Variants in SND1 observed in about 807,000 individuals in gnomAD.
SND1 encodes staphylococcal nuclease domain-containing protein 1.
Under a neutral mutation model 121.7 loss-of-function variants are expected in SND1, and 38 were observed. The ratio of observed to expected loss-of-function variants is 0.31; its 90% CI spans 0.24 to 0.41. The LOEUF (loss-of-function observed/expected upper bound fraction) is 0.41, where lower values mean the gene tolerates loss of function less well. Ranked by LOEUF, SND1 falls within the 10% of genes least tolerant of loss-of-function variation. The pLI is 1.00. For missense variants in SND1, 868 were observed against 1,184.6 expected, an observed-to-expected ratio of 0.73 and a Z score of 3.92; for synonymous variants, 401 against 447.4, an observed-to-expected ratio of 0.90 and a Z score of 1.31.
intron 11 of SND1, among the ~76,000 whole-genome samples, chr7:127,810,418 C>T (rs1400650098): frequency 6.6e-6 from 1 of 152,150 alleles, no homozygotes; most frequent in Non-Finnish European, 1.5e-5. Context: ...ACTCTCTTCC[C>T]ATCTCCTGTT....
rs1490621481 is a variant in SND1, at chr7:128,087,028, G to A, written c.2395G>A (p.Ala799Thr). Residue 799 changes from alanine (A) to threonine (T), a missense_variant, in exon 21 of 24, where the codon GCC (alanine) becomes ACC (threonine). Ala to Thr is a moderately conservative substitution (Grantham distance 58, BLOSUM62 0). Transcript: ENST00000354725. ...AGCTCAAGCCACGGAGTATGCCTTCGCCTTCATCCAGGTGCCCCAAGATGT... is the reference window on the plus strand; with the variant it reads ...AGCTCAAGCCACGGAGTATGCCTTCACCTTCATCCAGGTGCCCCAAGATGT... ...LPAQATEYAF[A>T]FIQVPQDDDA... 2 of 1,614,102 alleles carry A rather than the reference G, an allele frequency of 1.2e-6. No individual in the cohort carries two copies. The highest frequency in any genetic ancestry group is 1.1e-5 in the South Asian group (1 of 91,080).
intron 9 of SND1, among the ~76,000 whole-genome samples, chr7:127,710,882 A>G (rs1185336520): frequency 6.6e-6 from 1 of 152,022 alleles, no homozygotes; most frequent in Non-Finnish European, 1.5e-5. Flanking sequence ...GTTAGTTAAT[A>G]GTCAGTATTT....
At chr7:127,750,469 A>G (rs1797069413) in intron 10 of SND1, among the ~76,000 whole-genome samples, 1 of 152,218 alleles carries the variant, frequency 6.6e-6, no homozygotes, top group Non-Finnish European at 1.5e-5. Context: ...TATGTTAATT[A>G]CATACTACCC....
chr7:127,702,656 G>C (rs1292823227), intron 6 of SND1, 130 bp downstream of exon 6: 1 of 711,062 alleles, frequency 1.4e-6, no homozygotes, highest in Non-Finnish European at 2.5e-6. Flanking sequence ...CTTTATACTT[G>C]TTTTAGTTTA....
chr7:127,750,152 A>G (rs191055144), intron 10 of SND1, among the ~76,000 whole-genome samples: 120 of 152,344 alleles, frequency 7.9e-4, no homozygotes, highest in Non-Finnish European at 2.2e-4. Flanking sequence ...TAACCTAAAC[A>G]AAGTTTTGTA....
chr7:127,891,727 G>A (rs1299570901), intron 13 of SND1, among the ~76,000 whole-genome samples: 2 of 152,064 alleles, frequency 1.3e-5, no homozygotes, highest in Non-Finnish European at 2.9e-5. Context: ...TGGCTTTGGT[G>A]TTGACCCCAA....
chr7:127,724,208 A>G (rs1351083539), intron 10 of SND1, among the ~76,000 whole-genome samples: 1 of 152,240 alleles, frequency 6.6e-6, no homozygotes, highest in Non-Finnish European at 1.5e-5. Context: ...AAGTAATTTC[A>G]TTTACGTTAA....
At chr7:127,799,545 A>G (rs960554530) in intron 10 of SND1, among the ~76,000 whole-genome samples, 1 of 152,218 alleles carries the variant, frequency 6.6e-6, no homozygotes, top group Non-Finnish European at 1.5e-5. Context: ...ACAAGCCACA[A>G]TGAAACACTT....
chr7:128,041,418 C>A (rs983842380), intron 16 of SND1, among the ~76,000 whole-genome samples: 1 of 152,196 alleles, frequency 6.6e-6, no homozygotes, highest in African/African-American at 2.4e-5. Context: ...CATCCAGGTT[C>A]CTGGATGCTG....
intron 1 of SND1, among the ~76,000 whole-genome samples, chr7:127,665,974 G>A (rs1348539150): frequency 6.6e-6 from 1 of 152,188 alleles, no homozygotes; most frequent in African/African-American, 2.4e-5. Flanking sequence ...CTGAAATCCC[G>A]CCATGATCTA....
chr7:128,087,123 G>A, intron 21 of SND1, 72 bp downstream of exon 21: 4 of 1,154,994 alleles, frequency 3.5e-6, no homozygotes, highest in South Asian at 2.7e-5. Context: ...AGCCCTCATG[G>A]GCTGACAGGA....
chr7:127,996,343 C>A (rs1436380255), intron 16 of SND1, among the ~76,000 whole-genome samples: 2 of 152,116 alleles, frequency 1.3e-5, no homozygotes, highest in Non-Finnish European at 2.9e-5. Flanking sequence ...TGTGCTGTAT[C>A]GTGTCTGAAA....
At chr7:128,011,989 GT>G (rs1803126716) in intron 16 of SND1, among the ~76,000 whole-genome samples, 1 of 152,098 alleles carries the variant, frequency 6.6e-6, no homozygotes, top group Non-Finnish European at 1.5e-5. Context: ...TCAGAAAAGG[GT>G]TTTAAATATA....
At chr7:127,691,421 G>A in intron 2 of SND1, among the ~76,000 whole-genome samples, 1 of 151,730 alleles carries the variant, frequency 6.6e-6, no homozygotes, top group Non-Finnish European at 1.5e-5. Context: ...GCATGTGCGT[G>A]TAGTCCCGGC....
chr7:128,039,611 G>T (rs1441398758), intron 16 of SND1, among the ~76,000 whole-genome samples: 2 of 152,130 alleles, frequency 1.3e-5, no homozygotes, highest in Non-Finnish European at 2.9e-5. Flanking sequence ...TTTTATGGAG[G>T]TATCATAAAG....
chr7:127,970,260 A>C (rs1328813558), intron 15 of SND1, among the ~76,000 whole-genome samples: 1 of 152,244 alleles, frequency 6.6e-6, no homozygotes, highest in African/African-American at 2.4e-5. Flanking sequence ...ATTCAACCTG[A>C]ACTGACAGGA....
intron 16 of SND1, among the ~76,000 whole-genome samples, chr7:128,024,360 A>G (rs1249384525): frequency 1.3e-5 from 2 of 152,162 alleles, no homozygotes; most frequent in Non-Finnish European, 2.9e-5. Flanking sequence ...AGAGGAGATA[A>G]AATCAGACAT....
At chr7:127,916,601 A>G (rs908416232) in intron 14 of SND1, among the ~76,000 whole-genome samples, 1 of 152,302 alleles carries the variant, frequency 6.6e-6, no homozygotes, top group Middle Eastern at 3.4e-3. Flanking sequence ...ATGGATGGGG[A>G]GTGTTTGAAC....
intron 12 of SND1, among the ~76,000 whole-genome samples, chr7:127,857,359 AT>A (rs34235946): frequency 0.85 from 96,583 of 113,154 alleles, 41,312 homozygotes; most frequent in Middle Eastern, 0.89. Context: ...CCCCCGGCTA[AT>A]TTTTTTTTTT....
Sources: gnomAD v4.1 joint callset for allele counts (sites outside exome capture counted in the v4.1 genomes callset) on GRCh38, gnomAD v4.1.1 for gene constraint, MANE v1.5 for transcripts, NCBI Gene and HGNC (gene_info 2026-07-23, HGNC 2026-07-21) for gene names.